NECTIN3: variants seen among roughly 807,000 people sequenced by gnomAD.
NECTIN3 encodes nectin-3.
In NECTIN3, 8 loss-of-function variants were observed where a neutral mutation model predicts 49.4. The ratio of observed to expected loss-of-function variants is 0.16; its 90% CI spans 0.10 to 0.29. The LOEUF (loss-of-function observed/expected upper bound fraction) is 0.29. NECTIN3 is among the 10% of genes least tolerant of loss of function. The pLI, the probability that NECTIN3 is intolerant of heterozygous loss-of-function variation, is 1.00. For missense variants in NECTIN3, 581 were observed against 654.6 expected (o/e 0.89, Z 1.23); for synonymous variants, 277 against 241.1 (o/e 1.15, Z -1.38).
At chr3:111,183,894 G>A (rs1292457761) in intron 7 of NECTIN3, among the ~76,000 whole-genome samples, 2 of 151,956 alleles carry the variant, frequency 1.3e-5, no homozygotes, top group East Asian at 1.9e-4. Context: ...AGTACTGTAG[G>A]TTTATATATT....
At chr3:111,118,254 A>ATATATG (rs1413603634) in intron 2 of NECTIN3, among the ~76,000 whole-genome samples, 1 of 115,098 alleles carries the variant, frequency 8.7e-6, no homozygotes, top group Non-Finnish European at 1.9e-5. Flanking sequence ...GAAGCTATAT[A>ATATATG]TATATATATA....
At chr3:111,090,157 G>A (rs187584077) in intron 1 of NECTIN3, among the ~76,000 whole-genome samples, 1 of 152,050 alleles carries the variant, frequency 6.6e-6, no homozygotes, top group African/African-American at 2.4e-5. Flanking sequence ...TCTTTTGTAA[G>A]CAGCAGATAT....
rs746954303 is a variant in NECTIN3, at chr3:111,122,236, C to G, written c.915C>G (p.Ser305Arg). Residue 305 changes from serine to arginine, a missense_variant and splice_region_variant, in exon 4 of 6, where the codon AGC (serine) becomes AGG (arginine). Ser to Arg is a moderately radical substitution (Grantham distance 110, BLOSUM62 -1). Around this residue, in one of 3 missense-constraint regions of NECTIN3, gnomAD observed 234 missense variants for 340.6 expected, o/e 0.69. Coordinates refer to ENST00000485303, the MANE Select transcript of NECTIN3 (RefSeq NM_015480.3). ...CACCACCCTTCAAATCTGTGTGGAG[C>G]AGGTAATGTTATATACTTCGAAAGA... is the stretch of plus-strand genomic sequence containing the variant. Reference protein sequence around the residue: ...ANPPPFKSVWSRLDGQWPDGL... With the variant: ...ANPPPFKSVWRRLDGQWPDGL... 1 of 1,593,536 alleles carries G rather than the reference C, an allele frequency of 6.3e-7. No individual in the cohort carries two copies. Among genetic ancestry groups the G allele is most frequent in the Non-Finnish European group, 8.6e-7 (1 of 1,162,492 alleles).
In NECTIN3 at chr3:111,147,565, ATGTTGTTTAGTCATTATGCATTAAG is replaced by A. The variant is rs1287562165; in HGVS notation, c.1221+106_1221+130del. 6,806 of 1,160,896 alleles carry A rather than the reference ATGTTGTTTAGTCATTATGCATTAAG, an allele frequency of 5.9e-3. 67 individuals are homozygous for A. The highest frequency in any genetic ancestry group is 6.8e-3 in the Non-Finnish European group (5,616 of 827,828). The allele number at this position is 1,160,896 out of a possible 1,614,324, so 71.9% of individuals were successfully genotyped here. On this transcript the variant is annotated intron_variant, in intron 7 of 8. Coordinates refer to the NECTIN3 transcript ENST00000493615. Reference sequence around the variant, plus strand: ...AGCCATTTGTATTATTTCTTTCAAAATGTTGTTTAGTCATTATGCATTAAGTGTTGTTTAGTCATTATGCATTAAA... The same window carrying A: ...AGCCATTTGTATTATTTCTTTCAAAATGTTGTTTAGTCATTATGCATTAAA...
intron 1 of NECTIN3, among the ~76,000 whole-genome samples, chr3:111,080,776 G>A (rs1559764379): frequency 6.6e-6 from 1 of 152,034 alleles, no homozygotes; most frequent in Non-Finnish European, 1.5e-5. Context: ...ATACCACGGT[G>A]GAATGAGGCA....
At chr3:111,112,789 A>G (rs2033527802) in intron 2 of NECTIN3, among the ~76,000 whole-genome samples, 1 of 152,034 alleles carries the variant, frequency 6.6e-6, no homozygotes, top group Admixed American at 6.6e-5. Context: ...TTACTATTTC[A>G]TATCACATTT....
Position 111,072,137 on chromosome 3 carries a change from G to A in NECTIN3, c.120G>A (p.Leu40=). 6.4e-7 allele frequency: 1 copy of A among 1,550,582 alleles called. No homozygotes were observed. Among genetic ancestry groups the A allele is most frequent in the Admixed American group, 2.0e-5 (1 of 51,044 alleles). ...AGCCCCCGACGCCACCTCCGCTGCT[G>A]CTGCTGCTCTTCCCGCTGCTGCTCT... The part of the protein sequence containing the change: ...LLQPPTPPPL[L]LLLFPLLLFS... The change falls in exon 1 of 6, where the codon CTG becomes CTA. Residue 40 remains leucine, a synonymous_variant. Coordinates refer to ENST00000485303, the MANE Select transcript of NECTIN3 (RefSeq NM_015480.3).
downstream of NECTIN3, among the ~76,000 whole-genome samples, chr3:111,141,987 G>C (rs1003010757): frequency 2.0e-5 from 3 of 151,710 alleles, no homozygotes; most frequent in Admixed American, 2.0e-4. Context: ...GTTGGGAAAA[G>C]GGGGAAACAG....
intron 1 of NECTIN3, among the ~76,000 whole-genome samples, chr3:111,107,086 T>C (rs2033213589): frequency 1.3e-5 from 2 of 152,156 alleles, no homozygotes; most frequent in African/African-American, 2.4e-5. Flanking sequence ...TCAAACACTT[T>C]TAGTGTGTGT....
intron 7 of NECTIN3, among the ~76,000 whole-genome samples, chr3:111,156,832 A>T (rs1212292763): frequency 1.3e-5 from 2 of 152,026 alleles, no homozygotes. Context: ...TTCCAAATTT[A>T]TTTTGCTGAT....
At position 111,112,063 on chromosome 3, in the gene NECTIN3, A is replaced by G. The variant is rs2033492465; in HGVS notation, c.194A>G (p.His65Arg). The G allele has an allele frequency of 1.2e-6, 2 of 1,611,364 alleles. No homozygotes were observed. Among genetic ancestry groups the G allele is most frequent in the Admixed American group, 1.7e-5 (1 of 59,760 alleles). The change falls in exon 2 of 6, where the codon CAT becomes CGT. Residue 65 changes from histidine (H) to arginine (R), a missense_variant. This residue lies in a region of NECTIN3 where 234 missense variants were observed against 340.6 expected (regional missense o/e 0.69). Coordinates refer to ENST00000485303, the MANE Select transcript of NECTIN3 (RefSeq NM_015480.3). ...GCTGGACCAATTATTGTGGAGCCAC[A>G]TGTCACAGCAGTATGGGGAAAGAAT... ...ALAGPIIVEP[H>R]VTAVWGKNVS... is the part of the protein sequence containing the mutation.
chr3:111,139,256 G>A (rs1408736980), downstream of NECTIN3, among the ~76,000 whole-genome samples: 2 of 151,674 alleles, frequency 1.3e-5, no homozygotes, highest in Admixed American at 6.6e-5. Flanking sequence ...ATTTCTAATT[G>A]TATGTATTTT....
chr3:111,133,536 A>T, intron 5 of NECTIN3, 99 bp from the exon 6 acceptor site: 2 of 1,428,866 alleles, frequency 1.4e-6, no homozygotes, highest in South Asian at 1.5e-5. Flanking sequence ...ATGAATATAT[A>T]TTCATTAACT....
At chr3:111,079,212 A>G (rs2031435518) in intron 1 of NECTIN3, among the ~76,000 whole-genome samples, 1 of 152,072 alleles carries the variant, frequency 6.6e-6, no homozygotes, top group Non-Finnish European at 1.5e-5. Flanking sequence ...TGAAAATCTT[A>G]GGCCCTAGTT....
chr3:111,103,435 AC>A (rs2033018379), intron 1 of NECTIN3, among the ~76,000 whole-genome samples: 3 of 149,928 alleles, frequency 2.0e-5, no homozygotes, highest in Admixed American at 2.0e-4. Flanking sequence ...CATTACTGAT[AC>A]GTAAGAAAGT....
intron 1 of NECTIN3, among the ~76,000 whole-genome samples, chr3:111,073,162 GTTAT>G: frequency 6.6e-6 from 1 of 152,248 alleles, no homozygotes; most frequent in Middle Eastern, 3.4e-3. Flanking sequence ...ACTGCGAGTA[GTTAT>G]TTATTTGAGG....
intron 2 of NECTIN3, among the ~76,000 whole-genome samples, chr3:111,113,510 ATTT>A (rs1000875738): frequency 6.6e-6 from 1 of 152,022 alleles, no homozygotes; most frequent in Non-Finnish European, 1.5e-5. Flanking sequence ...TTTATTATAT[ATTT>A]TTTCATGTTG....
intron 1 of NECTIN3, among the ~76,000 whole-genome samples, chr3:111,094,761 G>A (rs2032487993): frequency 6.6e-6 from 1 of 152,174 alleles, no homozygotes; most frequent in Non-Finnish European, 1.5e-5. Context: ...CCAGTGCACA[G>A]GGTTTTCATT....
chr3:111,171,824 T>C (rs1477838), intron 7 of NECTIN3, among the ~76,000 whole-genome samples: 29,058 of 151,902 alleles, frequency 0.19, 5,520 homozygotes, highest in African/African-American at 0.47. Flanking sequence ...ACAATTCACT[T>C]CATTATCCAA....
Sources: gnomAD v4.1 joint callset for allele counts (sites outside exome capture counted in the v4.1 genomes callset) on GRCh38, gnomAD v4.1.1 for gene constraint, gnomAD v4.1.1 regional missense constraint, MANE v1.5 for transcripts, NCBI Gene and HGNC (gene_info 2026-07-23, HGNC 2026-07-21) for gene names.